Variants in FSIP1 observed in about 807,000 individuals in gnomAD.
FSIP1 encodes fibrous sheath-interacting protein 1.
Under a neutral mutation model 60.9 loss-of-function variants are expected in FSIP1, and 65 were observed. The ratio of observed to expected loss-of-function variants is 1.07; its 90% CI spans 0.87 to 1.31. The LOEUF (loss-of-function observed/expected upper bound fraction) is 1.31, where lower values mean the gene tolerates loss of function less well. Among genes scored for constraint, FSIP1 ranks in the 40% most tolerant of loss-of-function variants. FSIP1 has a pLI of 0.00. For missense variants in FSIP1, 675 were observed against 665.5 expected, an observed-to-expected ratio of 1.01 and a Z score of -0.16; for synonymous variants, 209 against 221.2, an observed-to-expected ratio of 0.94 and a Z score of 0.49.
At chr15:39,681,483 T>C (rs1285608223) in intron 10 of FSIP1, among the ~76,000 whole-genome samples, 1 of 152,184 alleles carries the variant, frequency 6.6e-6, no homozygotes, top group African/African-American at 2.4e-5. Context: ...TTTTATTTTT[T>C]ATGAGAATGC....
At chr15:39,603,866 G>T (rs949646) in intron 11 of FSIP1, among the ~76,000 whole-genome samples, 59,137 of 152,052 alleles carry the variant, frequency 0.39, 13,420 homozygotes, top group African/African-American at 0.64. Context: ...TTCTCACTCT[G>T]TAACATGCAC....
At chr15:39,704,534 T>C (rs1052001862) in intron 10 of FSIP1, among the ~76,000 whole-genome samples, 3 of 152,162 alleles carry the variant, frequency 2.0e-5, no homozygotes, top group African/African-American at 7.2e-5. Context: ...CTTAGAGAGG[T>C]TGGATTTATT....
intron 10 of FSIP1, among the ~76,000 whole-genome samples, chr15:39,634,195 A>G (rs1892032966): frequency 6.6e-6 from 1 of 152,156 alleles, no homozygotes; most frequent in African/African-American, 2.4e-5. Flanking sequence ...CCATGAGTAT[A>G]CAAAAAGCTG....
At chr15:39,703,102 C>A (rs1052582738) in intron 10 of FSIP1, among the ~76,000 whole-genome samples, 1 of 151,948 alleles carries the variant, frequency 6.6e-6, no homozygotes, top group Admixed American at 6.6e-5. Context: ...CCTGCCTCAC[C>A]CTCCCGAATA....
chr15:39,761,507 G>A (rs958858299), intron 5 of FSIP1, among the ~76,000 whole-genome samples: 21 of 152,114 alleles, frequency 1.4e-4, no homozygotes, highest in African/African-American at 4.3e-4. Flanking sequence ...ATTTATATGT[G>A]GAATCCAAAA....
intron 5 of FSIP1, 142 bp from the exon 6 acceptor site, chr15:39,742,042 T>C (rs1896821902): frequency 1.8e-6 from 1 of 549,524 alleles, no homozygotes; most frequent in African/African-American, 1.9e-5. Flanking sequence ...CTTAAGACAA[T>C]GTTAATGTCA....
chr15:39,736,187 A>G (rs1896601372), intron 8 of FSIP1, among the ~76,000 whole-genome samples: 1 of 152,254 alleles, frequency 6.6e-6, no homozygotes, highest in Non-Finnish European at 1.5e-5. Flanking sequence ...TATGTGGCAC[A>G]TGACTATACC....
chr15:39,707,777 G>T (rs1018818127), intron 10 of FSIP1, among the ~76,000 whole-genome samples: 4 of 152,050 alleles, frequency 2.6e-5, no homozygotes, highest in Non-Finnish European at 5.9e-5. Context: ...GGGCTCAGGG[G>T]ACCTGCCAAG....
chr15:39,692,542 T>G (rs1330093570), intron 10 of FSIP1, among the ~76,000 whole-genome samples: 2 of 152,092 alleles, frequency 1.3e-5, no homozygotes, highest in Non-Finnish European at 2.9e-5. Context: ...TTTAATCCCA[T>G]CACATAACAC....
At chr15:39,668,767 T>C (rs1178837057) in intron 10 of FSIP1, among the ~76,000 whole-genome samples, 1 of 152,188 alleles carries the variant, frequency 6.6e-6, no homozygotes, top group Non-Finnish European at 1.5e-5. Context: ...AGTTCTCAAG[T>C]AGCTACAATT....
intron 10 of FSIP1, among the ~76,000 whole-genome samples, chr15:39,657,958 T>A (rs1893136253): frequency 6.6e-6 from 1 of 152,172 alleles, no homozygotes. Context: ...GAACAGCATA[T>A]ATAGTAGGGC....
intron 10 of FSIP1, among the ~76,000 whole-genome samples, chr15:39,650,686 C>A (rs1371713836): frequency 2.6e-5 from 4 of 152,198 alleles, no homozygotes; most frequent in Non-Finnish European, 5.9e-5. Context: ...AAGAAGGGAA[C>A]TTCCCAGTTC....
At chr15:39,723,018 A>G (rs1326469803) in intron 9 of FSIP1, among the ~76,000 whole-genome samples, 1 of 152,214 alleles carries the variant, frequency 6.6e-6, no homozygotes, top group African/African-American at 2.4e-5. Context: ...TCCCATAAGG[A>G]AATAAGTTCT....
intron 5 of FSIP1, among the ~76,000 whole-genome samples, chr15:39,743,665 A>G (rs1896880841): frequency 2.0e-5 from 3 of 152,220 alleles, no homozygotes; most frequent in Non-Finnish European, 1.5e-5. Context: ...ATTAATTACC[A>G]AAGGAAAAAT....
At chr15:39,746,207 A>T (rs1896988230) in intron 5 of FSIP1, among the ~76,000 whole-genome samples, 1 of 152,218 alleles carries the variant, frequency 6.6e-6, no homozygotes, top group Non-Finnish European at 1.5e-5. Context: ...AATGATAGAA[A>T]GGGAAAGAGA....
At chr15:39,647,894 T>A (rs1892687054) in intron 10 of FSIP1, among the ~76,000 whole-genome samples, 1 of 151,846 alleles carries the variant, frequency 6.6e-6, no homozygotes, top group Non-Finnish European at 1.5e-5. Flanking sequence ...AATCCAAAAA[T>A]AAATTAATAT....
chr15:39,693,862 C>T (rs963599901), intron 10 of FSIP1, among the ~76,000 whole-genome samples: 3 of 152,038 alleles, frequency 2.0e-5, no homozygotes, highest in Non-Finnish European at 4.4e-5. Context: ...GATAGCTATG[C>T]CACCTGCCTC....
chr15:39,682,827 T>C (rs892936075), intron 10 of FSIP1, among the ~76,000 whole-genome samples: 4 of 152,212 alleles, frequency 2.6e-5, no homozygotes, highest in Admixed American at 6.5e-5. Flanking sequence ...TTTAATAGCA[T>C]TTAAATTTTA....
chr15:39,630,796 T>A (rs546888725), intron 10 of FSIP1, among the ~76,000 whole-genome samples: 1 of 152,336 alleles, frequency 6.6e-6, no homozygotes, highest in Admixed American at 6.5e-5. Flanking sequence ...TAAACTCCTT[T>A]TTCGAGGGGG....
Sources: gnomAD v4.1 joint callset for allele counts (sites outside exome capture counted in the v4.1 genomes callset) on GRCh38, gnomAD v4.1.1 for gene constraint, MANE v1.5 for transcripts, NCBI Gene and HGNC (gene_info 2026-07-23, HGNC 2026-07-21) for gene names.